PTPRD: variants seen among roughly 807,000 people sequenced by gnomAD.
The protein encoded by PTPRD is receptor-type tyrosine-protein phosphatase delta.
PTPRD carries 34 observed loss-of-function variants against 214.5 expected under a neutral mutation model. That is an observed-to-expected ratio of 0.16 (90% confidence interval 0.12 to 0.21). PTPRD has a LOEUF of 0.21. Among genes scored for constraint, PTPRD ranks in the 10% least tolerant of loss-of-function variants. The pLI, the probability that PTPRD is intolerant of heterozygous loss-of-function variation, is 1.00. For synonymous variants in PTPRD, 1,128 were observed against 845.7 expected, an observed-to-expected ratio of 1.33 and a Z score of -5.79; for missense variants, 2,545 against 2,398.7, an observed-to-expected ratio of 1.06 and a Z score of -1.27.
chr9:9,904,373 T>C (rs1421438324), intron 5 of PTPRD, among the ~76,000 whole-genome samples: 2 of 151,498 alleles, frequency 1.3e-5, no homozygotes, highest in East Asian at 1.9e-4. Flanking sequence ...GATTAGAAGA[T>C]TGGGGAAAAG....
intron 3 of PTPRD, among the ~76,000 whole-genome samples, chr9:10,316,283 AGCATATTGTCCT>A (rs2096429895): frequency 2.6e-5 from 4 of 151,564 alleles, no homozygotes; most frequent in Non-Finnish European, 5.9e-5. Flanking sequence ...TTAATAATTT[AGCATATTGTCCT>A]CTACTATAAA....
intron 3 of PTPRD, among the ~76,000 whole-genome samples, chr9:10,203,813 T>A (rs1441509981): frequency 6.6e-6 from 1 of 152,178 alleles, no homozygotes; most frequent in Non-Finnish European, 1.5e-5. Context: ...TAATAACATA[T>A]AATTAAAATA....
At chr9:8,858,111 TCTTCC>T in intron 11 of PTPRD, 1 of 164,034 alleles carries the variant, frequency 6.1e-6, no homozygotes, top group South Asian at 1.5e-4. Context: ...CTCCTCCTCC[TCTTCC>T]TCCTCCTCCC....
At chr9:10,124,142 TAA>T (rs974803988) in intron 3 of PTPRD, among the ~76,000 whole-genome samples, 2 of 152,180 alleles carry the variant, frequency 1.3e-5, no homozygotes, top group African/African-American at 4.8e-5. Context: ...CGGTCTCTTT[TAA>T]AAAGAGCACA....
intron 2 of PTPRD, among the ~76,000 whole-genome samples, chr9:10,428,364 C>A (rs1370905753): frequency 6.6e-6 from 1 of 152,004 alleles, no homozygotes; most frequent in Non-Finnish European, 1.5e-5. Context: ...GCCTCAGTAA[C>A]ATGGCTAACT....
At chr9:10,293,275 C>A (rs930661419) in intron 3 of PTPRD, among the ~76,000 whole-genome samples, 1 of 151,862 alleles carries the variant, frequency 6.6e-6, no homozygotes, top group Non-Finnish European at 1.5e-5. Context: ...TTGGAAAAAT[C>A]TGTACTTCAT....
intron 36 of PTPRD, 120 bp from the exon 37 acceptor site, chr9:8,389,527 T>C (rs2088640965): frequency 1.5e-6 from 1 of 673,136 alleles, no homozygotes; most frequent in Non-Finnish European, 2.4e-6. Context: ...AGTCACAATA[T>C]ATTGAAGGTC....
intron 9 of PTPRD, among the ~76,000 whole-genome samples, chr9:9,376,528 G>C (rs2140103172): frequency 6.6e-6 from 1 of 152,234 alleles, no homozygotes; most frequent in Middle Eastern, 3.4e-3. Context: ...TCACTTAAAA[G>C]AAATTTGGTG....
intron 4 of PTPRD, among the ~76,000 whole-genome samples, chr9:9,997,765 G>C (rs550754292): frequency 6.6e-6 from 1 of 152,074 alleles, no homozygotes; most frequent in East Asian, 1.9e-4. Context: ...TAATGTGGGT[G>C]ATTAGAAAGT....
chr9:9,791,499 G>C (rs2098966995), intron 5 of PTPRD, among the ~76,000 whole-genome samples: 1 of 152,028 alleles, frequency 6.6e-6, no homozygotes, highest in African/African-American at 2.4e-5. Flanking sequence ...TCATAAAAGA[G>C]TCTCTTTCTT....
At chr9:10,566,098 G>C (rs1013140855) in intron 2 of PTPRD, among the ~76,000 whole-genome samples, 1 of 151,688 alleles carries the variant, frequency 6.6e-6, no homozygotes, top group African/African-American at 2.4e-5. Flanking sequence ...CAATTTTGTT[G>C]GGAGTCACGG....
chr9:9,960,320 G>A (rs994393042), intron 4 of PTPRD, among the ~76,000 whole-genome samples: 2 of 151,440 alleles, frequency 1.3e-5, no homozygotes, highest in Admixed American at 6.6e-5. Context: ...AAATAAATAA[G>A]AGGTGATGAG....
intron 2 of PTPRD, among the ~76,000 whole-genome samples, chr9:10,549,187 C>T (rs535663295): frequency 6.6e-6 from 1 of 152,046 alleles, no homozygotes; most frequent in Non-Finnish European, 1.5e-5. Flanking sequence ...TCCTGGTATT[C>T]CTAATTCTTA....
intron 9 of PTPRD, among the ~76,000 whole-genome samples, chr9:9,388,382 C>A (rs1328811708): frequency 6.6e-6 from 1 of 152,176 alleles, no homozygotes; most frequent in Non-Finnish European, 1.5e-5. Flanking sequence ...CACTTCCCTT[C>A]CCCTCTTCTG....
At chr9:8,681,478 T>C (rs1024486729) in intron 12 of PTPRD, among the ~76,000 whole-genome samples, 1 of 152,214 alleles carries the variant, frequency 6.6e-6, no homozygotes, top group Admixed American at 6.5e-5. Context: ...AATTCTGTTA[T>C]TCCCAGCCTT....
intron 36 of PTPRD, among the ~76,000 whole-genome samples, chr9:8,399,131 A>G (rs1229986499): frequency 6.9e-6 from 1 of 144,688 alleles, no homozygotes; most frequent in East Asian, 2.0e-4. Context: ...GAAGCTAATC[A>G]TCTCATACTG....
intron 11 of PTPRD, among the ~76,000 whole-genome samples, chr9:8,835,918 G>A (rs953551205): frequency 2.0e-5 from 3 of 152,184 alleles, no homozygotes; most frequent in African/African-American, 7.2e-5. Context: ...TCTCCCATTA[G>A]AATGGAAGCT....
intron 10 of PTPRD, among the ~76,000 whole-genome samples, chr9:9,164,308 T>C (rs1387403465): frequency 6.6e-6 from 1 of 152,156 alleles, no homozygotes; most frequent in African/African-American, 2.4e-5. Flanking sequence ...CATCTTTAAC[T>C]TTCTGTCTTC....
rs185479683 is a variant in PTPRD, at chr9:9,770,322, T to C, written c.-367-3471A>G. Among the ~76,000 whole-genome samples the C allele has an allele frequency of 3.2e-3, 488 of 152,352 alleles. 1 individual carries two copies. The highest frequency in any genetic ancestry group is 0.011 in the African/African-American group (462 of 41,578). ...CATTCTTACAGCGTGAGAGAAATTTTATATTACATCACAATTTAACAAGTA... is the reference window on the plus strand; with the variant it reads ...CATTCTTACAGCGTGAGAGAAATTTCATATTACATCACAATTTAACAAGTA... On this transcript the variant is annotated intron_variant, in intron 5 of 45. Coordinates refer to ENST00000381196, the MANE Select transcript of PTPRD (RefSeq NM_002839.4).
Sources: gnomAD v4.1 joint callset for allele counts (sites outside exome capture counted in the v4.1 genomes callset) on GRCh38, gnomAD v4.1.1 for gene constraint, MANE v1.5 for transcripts, NCBI Gene and HGNC (gene_info 2026-07-23, HGNC 2026-07-21) for gene names.